Variants in NAV2 observed in about 807,000 individuals in gnomAD.
NAV2 encodes the protein neuron navigator 2, also known as helicase, APC down-regulated 1.
NAV2 carries 54 observed loss-of-function variants against 223.2 expected under a neutral mutation model. That is an observed-to-expected ratio of 0.24 (90% CI 0.19 to 0.30). The LOEUF (loss-of-function observed/expected upper bound fraction) is 0.30. Among genes scored for constraint, NAV2 ranks in the 10% least tolerant of loss-of-function variants. The pLI is 1.00. For synonymous variants in NAV2, 1,279 were observed against 1,239.3 expected (o/e 1.03, Z -0.67); for missense variants, 2,806 against 3,147.5 (o/e 0.89, Z 2.60).
At chr11:20,106,183 G>GTGTGTGTGTGTGTGTGTATATA (rs1394737236) in intron 35 of NAV2, among the ~76,000 whole-genome samples, 2 of 25,532 alleles carry the variant, frequency 7.8e-5, no homozygotes, top group Non-Finnish European at 1.9e-4. Context: ...ATATGTGTGT[G>GTGTGTGTGTGTGTGTGTATATA]TATATATATA....
intron 1 of NAV2, among the ~76,000 whole-genome samples, chr11:19,570,668 A>T (rs2045398826): frequency 6.6e-6 from 1 of 152,244 alleles, no homozygotes; most frequent in South Asian, 2.1e-4. Context: ...CAAATAGCCC[A>T]GAAGCACATG....
At chr11:19,555,812 GGAA>G (rs2044866237) in intron 1 of NAV2, among the ~76,000 whole-genome samples, 1 of 152,066 alleles carries the variant, frequency 6.6e-6, no homozygotes, top group Non-Finnish European at 1.5e-5. Context: ...CATGGTGCCT[GGAA>G]GAAGATGTAC....
At chr11:19,658,307 T>C (rs1291529591) in intron 1 of NAV2, among the ~76,000 whole-genome samples, 1 of 152,192 alleles carries the variant, frequency 6.6e-6, no homozygotes, top group Non-Finnish European at 1.5e-5. Flanking sequence ...TATTATTCTA[T>C]AGTGAATACT....
chr11:19,985,671 G>T (rs1336333683), intron 11 of NAV2, among the ~76,000 whole-genome samples: 1 of 152,024 alleles, frequency 6.6e-6, no homozygotes, highest in African/African-American at 2.4e-5. Context: ...CCATCTCCCG[G>T]GTTCAAGCAA....
chr11:19,471,731 T>A (rs1048276463), intron 1 of NAV2, among the ~76,000 whole-genome samples: 10 of 152,236 alleles, frequency 6.6e-5, no homozygotes, highest in Non-Finnish European at 1.0e-4. Context: ...ACAGTAAGTA[T>A]GAAGAAGGCA....
At chr11:19,606,412 G>T (rs1372457361) in intron 1 of NAV2, among the ~76,000 whole-genome samples, 1 of 152,208 alleles carries the variant, frequency 6.6e-6, no homozygotes, top group Non-Finnish European at 1.5e-5. Context: ...AGGTGTTAAA[G>T]CTGATGAGAG....
At chr11:19,453,600 C>G (rs1330526268) in intron 1 of NAV2, among the ~76,000 whole-genome samples, 2 of 152,156 alleles carry the variant, frequency 1.3e-5, no homozygotes, top group Non-Finnish European at 2.9e-5. Flanking sequence ...ATCTATGTGG[C>G]CTTGCCCAAA....
At chr11:19,480,818 T>A (rs1201637008) in intron 1 of NAV2, among the ~76,000 whole-genome samples, 1 of 152,248 alleles carries the variant, frequency 6.6e-6, no homozygotes. Flanking sequence ...AGATTAGAGG[T>A]GAGGGTCCAG....
intron 10 of NAV2, among the ~76,000 whole-genome samples, chr11:19,966,310 G>A (rs1192445547): frequency 6.6e-6 from 1 of 152,030 alleles, no homozygotes; most frequent in Non-Finnish European, 1.5e-5. Context: ...TGATATACAC[G>A]GCCCTCCCTC....
At chr11:20,085,827 C>T (rs1044873826) in intron 26 of NAV2, among the ~76,000 whole-genome samples, 2 of 152,160 alleles carry the variant, frequency 1.3e-5, no homozygotes, top group South Asian at 2.1e-4. Flanking sequence ...GTTTTAAGGA[C>T]CAGGCCTAGA....
At chr11:19,541,107 A>T (rs2044328951) in intron 1 of NAV2, among the ~76,000 whole-genome samples, 2 of 152,224 alleles carry the variant, frequency 1.3e-5, no homozygotes, top group Admixed American at 1.3e-4. Flanking sequence ...ATGCTAAACT[A>T]TATTATTATG....
intron 1 of NAV2, among the ~76,000 whole-genome samples, chr11:19,569,884 A>T (rs147972573): frequency 6.6e-6 from 1 of 152,284 alleles, no homozygotes; most frequent in East Asian, 1.9e-4. Context: ...TAAGGAAGGA[A>T]AGTACAAAAG....
At chr11:19,967,535 T>G (rs2048875363) in intron 10 of NAV2, among the ~76,000 whole-genome samples, 1 of 152,146 alleles carries the variant, frequency 6.6e-6, no homozygotes, top group Non-Finnish European at 1.5e-5. Flanking sequence ...GGACCAAACT[T>G]GAACCATAGG....
rs773808689 is a variant in NAV2 at position 20,068,339 on chromosome 11, C to A, written c.4924C>A (p.Arg1642=). The change falls in exon 22 of 38, where the codon CGG becomes AGG. Residue 1642 remains arginine (R), a synonymous_variant. Coordinates refer to ENST00000349880, the MANE Select transcript of NAV2 (RefSeq NM_145117.5). ...TCATCTTTAGATTCGCAAGCTGCGG[C>A]GGGAACTGGATGCCTCCCAGGAGAA... The part of the protein sequence containing the change: ...KCQSEIRKLR[R]ELDASQEKVS... 1 of 1,614,004 alleles carries A rather than the reference C, an allele frequency of 6.2e-7. No individual in the cohort carries two copies. The highest frequency in any genetic ancestry group is 8.5e-7 in the Non-Finnish European group (1 of 1,179,984).
chr11:19,950,621 CT>C (rs1591386779), intron 10 of NAV2, among the ~76,000 whole-genome samples: 1 of 152,180 alleles, frequency 6.6e-6, no homozygotes, highest in African/African-American at 2.4e-5. Context: ...CAGCCTGTTA[CT>C]TTTAGAACTA....
chr11:19,375,682 CTT>C (rs1387886062), intron 1 of NAV2, among the ~76,000 whole-genome samples: 6 of 151,954 alleles, frequency 3.9e-5, no homozygotes, highest in Non-Finnish European at 7.4e-5. Flanking sequence ...ATGAAACCCT[CTT>C]GTTTTCACTT....
intron 4 of NAV2, among the ~76,000 whole-genome samples, chr11:19,870,570 C>T (rs977033457): frequency 7.9e-5 from 12 of 152,182 alleles, no homozygotes; most frequent in African/African-American, 1.2e-4. Flanking sequence ...TGACTTCTGC[C>T]TCATTTGTTC....
chr11:19,867,027 G>A (rs1405312569), intron 3 of NAV2, among the ~76,000 whole-genome samples: 1 of 152,060 alleles, frequency 6.6e-6, no homozygotes, highest in Non-Finnish European at 1.5e-5. Flanking sequence ...CTCTTTTGGG[G>A]GGCAACAAGT....
chr11:19,465,807 G>A (rs79014654), intron 1 of NAV2, among the ~76,000 whole-genome samples: 2 of 152,308 alleles, frequency 1.3e-5, no homozygotes, highest in East Asian at 3.9e-4. Context: ...CTAACCAGTA[G>A]CGGAGGCACA....
Sources: gnomAD v4.1 joint callset for allele counts (sites outside exome capture counted in the v4.1 genomes callset) on GRCh38, gnomAD v4.1.1 for gene constraint, MANE v1.5 for transcripts, NCBI Gene and HGNC (gene_info 2026-07-23, HGNC 2026-07-21) for gene names.